Variants in SPTB observed in about 807,000 individuals in gnomAD.
SPTB encodes the protein spectrin beta, erythrocytic.
A neutral mutation model predicts 256.2 loss-of-function variants in SPTB; 45 were observed. The ratio of observed to expected loss-of-function variants is 0.18; its 90% CI spans 0.14 to 0.23. The LOEUF is 0.23. Ranked by LOEUF, SPTB falls within the 10% of genes least tolerant of loss-of-function variation. The pLI, the probability that SPTB is intolerant of heterozygous loss-of-function variation, is 1.00. For missense variants in SPTB, 2,715 were observed against 3,040.4 expected (o/e 0.89, Z 2.52); for synonymous variants, 1,231 against 1,243.1 (o/e 0.99, Z 0.21).
rs373389294 is a variant in SPTB, at chr14:64,854,658, C to T, written c.-52+25134G>A. Among the ~76,000 whole-genome samples, 4 of 152,196 alleles carry T rather than the reference C, an allele frequency of 2.6e-5. No homozygotes were observed. In the East Asian group the frequency reaches 7.7e-4, roughly 29 times the overall value. On this transcript the variant is annotated intron_variant, in intron 1 of 35. Coordinates refer to ENST00000644917, the MANE Select transcript of SPTB (RefSeq NM_001355436.2). ...TGGACTCTCTATATTAGTTCTGCCT[C>T]AGCTAGTCGTGTAGGATTTCCATTT...
chr14:64,755,740 G>C (rs2082009054), intron 32 of SPTB: 1 of 151,994 alleles, frequency 6.6e-6, no homozygotes, highest in Non-Finnish European at 1.5e-5. Context: ...AAATATCTAT[G>C]CAGGAAGGAA....
intron 1 of SPTB, among the ~76,000 whole-genome samples, chr14:64,878,406 AG>A (rs1882937235): frequency 6.6e-6 from 1 of 152,176 alleles, no homozygotes; most frequent in Admixed American, 6.5e-5. Context: ...AGAAAAAAAA[AG>A]GTGTTTTCAA....
chr14:64,801,606 A>T (rs230705), intron 6 of SPTB, 148 bp downstream of exon 6: 208,977 of 940,084 alleles, frequency 0.22, 26,109 homozygotes, highest in African/African-American at 0.43. Flanking sequence ...GGATTTAAGG[A>T]AAGTGAAGGT....
At chr14:64,750,333 C>T in intron 33 of SPTB, 179 bp from the exon 34 acceptor site, 3 of 704,428 alleles carry the variant, frequency 4.3e-6, no homozygotes, top group Non-Finnish European at 4.5e-6. Context: ...CTATTATTAA[C>T]ATTTTATGTA....
At chr14:64,851,438 A>G (rs2083783642) in intron 1 of SPTB, among the ~76,000 whole-genome samples, 1 of 152,134 alleles carries the variant, frequency 6.6e-6, no homozygotes, top group Non-Finnish European at 1.5e-5. Context: ...GAAAGAGTTA[A>G]TATCAGTAGC....
At chr14:64,808,343 G>A (rs775260387) in intron 2 of SPTB, among the ~76,000 whole-genome samples, 53 of 151,860 alleles carry the variant, frequency 3.5e-4, no homozygotes, top group Non-Finnish European at 6.2e-4. Context: ...TTTCCTTCCC[G>A]GGTTGTGGCC....
At position 64,772,750 on chromosome 14, in the gene SPTB, C is replaced by T. The variant is rs749332448; in HGVS notation, c.5383G>A (p.Ala1795Thr). Residue 1795 changes from alanine to threonine, a missense_variant, in exon 26 of 36, where the codon GCC becomes ACC. Coordinates refer to ENST00000644917, the MANE Select transcript of SPTB (RefSeq NM_001355436.2). This position sits in a 1 kb window ranked among gnomAD's most constrained non-coding sequence, Gnocchi z 5.4. ...LIDTRMQLLA[A>T]SYDLHRYFYT... ...AAGTAGCGGTGCAGGTCATAGGAGG[C>T]GGCCAGCAGCTGCATGCGCGTGTCA... 1.5e-5 allele frequency: 25 copies of T among 1,613,888 alleles called. No individual in the cohort carries two copies. Among genetic ancestry groups the T allele is most frequent in the South Asian group, 4.4e-5 (4 of 91,084 alleles).
In SPTB at chr14:64,766,727, G is replaced by A. The variant is rs762377368; in HGVS notation, c.6344C>T (p.Pro2115Leu). Residue 2115 changes from proline (P) to leucine (L), a missense_variant and splice_region_variant, in exon 32 of 36, where the codon CCG (proline) becomes CTG (leucine). This residue lies in a region of SPTB where 2,239 missense variants were observed against 2,384.4 expected (regional missense o/e 0.94). Transcript: ENST00000644917. ...SHHAATERTSPGEEEGTWPQN... is the reference protein window; with the variant it reads ...SHHAATERTSLGEEEGTWPQN... ...AGACAAACGAGACCAGAGACTGACCGGGGACGTTCTCTCGGTGGCCGCATG... is the reference window on the plus strand; with the variant it reads ...AGACAAACGAGACCAGAGACTGACCAGGGACGTTCTCTCGGTGGCCGCATG... The A allele has an allele frequency of 1.1e-5, 17 of 1,613,586 alleles. No homozygotes were observed. The highest frequency in any genetic ancestry group is 4.0e-5 in the African/African-American group (3 of 74,966).
chr14:64,753,428 G>A, intron 33 of SPTB, 109 bp downstream of exon 33: 4 of 1,560,816 alleles, frequency 2.6e-6, no homozygotes, highest in Non-Finnish European at 2.6e-6. Flanking sequence ...GGCCAAGGCA[G>A]AAGGCACCCC....
In SPTB at chr14:64,823,090, G is replaced by A; in HGVS notation, c.5C>T (p.Thr2Ile). The A allele has an allele frequency of 1.2e-6, 2 of 1,614,186 alleles. No individual in the cohort carries two copies. Among genetic ancestry groups the A allele is most frequent in the Non-Finnish European group, 8.5e-7 (1 of 1,180,030 alleles). The stretch of plus-strand genomic sequence containing the variant: ...CACATTTTCAAACTCTGTGGCCGAT[G>A]TCATGTCAGCAGGCTCTTAGCAGCT... M[T>I]SATEFENVGN... The change falls in exon 2 of 36, where the codon ACA becomes ATA. Residue 2 changes from threonine (T) to isoleucine (I), a missense_variant. Transcript: ENST00000644917. The surrounding 1 kb of genome is among the most constrained non-coding windows in gnomAD (Gnocchi z 6.5).
intron 13 of SPTB, 144 bp downstream of exon 13, chr14:64,794,323 C>G: frequency 8.4e-7 from 1 of 1,193,058 alleles, no homozygotes. Context: ...GCTGGTCCCT[C>G]AAGCTTCTTT....
intron 1 of SPTB, among the ~76,000 whole-genome samples, chr14:64,835,960 G>C (rs2083516710): frequency 6.6e-6 from 1 of 152,150 alleles, no homozygotes; most frequent in Admixed American, 6.6e-5. Context: ...TAAAAGGAGG[G>C]GAACATCCCG....
chr14:64,833,739 T>C (rs1318085340), intron 1 of SPTB, among the ~76,000 whole-genome samples: 1 of 152,154 alleles, frequency 6.6e-6, no homozygotes, highest in Non-Finnish European at 1.5e-5. Context: ...TCAGGGACCA[T>C]CCATATTCAT....
At chr14:64,767,475 A>G in intron 30 of SPTB, 123 bp from the exon 31 acceptor site, 1 of 1,452,650 alleles carries the variant, frequency 6.9e-7, no homozygotes, top group Admixed American at 1.7e-5. Context: ...TTCTAGAGTC[A>G]GCCCCTTCTG....
rs1227862956 is a variant in SPTB, at chr14:64,771,508, G to A, written c.5554-379C>T. Among the ~76,000 whole-genome samples the A allele has an allele frequency of 3.9e-5, 6 of 152,282 alleles. No homozygotes were observed. In the East Asian group the frequency reaches 1.2e-3, roughly 29 times the overall value. ...CTATTACTATTGCTGTTTCTGAGAT[G>A]GGGAAAACGAGGCACAAGGAAGCTA... On this transcript the variant is annotated intron_variant, in intron 26 of 35. Transcript: ENST00000644917.
At chr14:64,766,058 G>A (rs2082173206) in intron 32 of SPTB, among the ~76,000 whole-genome samples, 1 of 136,688 alleles carries the variant, frequency 7.3e-6, no homozygotes. Context: ...TGCGTGAGGT[G>A]TGTATGGGGG....
In SPTB at chr14:64,759,008, A is replaced by G. The variant is rs1566736243; in HGVS notation, c.6346-5215T>C. Among the ~76,000 whole-genome samples, 1 of 152,156 alleles carries G rather than the reference A, an allele frequency of 6.6e-6. No individual in the cohort carries two copies. The highest frequency in any genetic ancestry group is 1.9e-4 in the East Asian group (1 of 5,188). Reference sequence around the variant, plus strand: ...GGGGTAGATGAAGCTGATGTGAGAAAAGAGATTCTCAGAATTCTAGAGCTG... The same window carrying G: ...GGGGTAGATGAAGCTGATGTGAGAAGAGAGATTCTCAGAATTCTAGAGCTG... On this transcript the variant is annotated intron_variant, in intron 32 of 35. Transcript: ENST00000644917. The surrounding 1 kb of genome is among the most constrained non-coding windows in gnomAD (Gnocchi z 4.8).
At position 64,790,216 on chromosome 14, in the gene SPTB, G is replaced by A. The variant is rs953061347; in HGVS notation, c.2804+1503C>T. Among the ~76,000 whole-genome samples the A allele has an allele frequency of 2.0e-5, 3 of 152,006 alleles. No homozygotes were observed. Among genetic ancestry groups the A allele is most frequent in the Non-Finnish European group, 4.4e-5 (3 of 68,000 alleles). On this transcript the variant is annotated intron_variant, in intron 15 of 35. Coordinates refer to ENST00000644917, the MANE Select transcript of SPTB (RefSeq NM_001355436.2). This position sits in a 1 kb window ranked among gnomAD's most constrained non-coding sequence, Gnocchi z 4.8. ...ACTCTCAAATTTAATTTCATGCCTC[G>A]GGTTTTTTTCTCACTTAAGGATGGC... is the stretch of plus-strand genomic sequence containing the variant.
intron 2 of SPTB, among the ~76,000 whole-genome samples, chr14:64,813,962 T>C (rs1395313384): frequency 6.6e-6 from 1 of 152,252 alleles, no homozygotes; most frequent in Non-Finnish European, 1.5e-5. Context: ...CTACGGTTTC[T>C]GTTTAACCAG....
Sources: gnomAD v4.1 joint callset for allele counts (sites outside exome capture counted in the v4.1 genomes callset) on GRCh38, gnomAD v4.1.1 for gene constraint, gnomAD v4.1.1 regional missense constraint, Gnocchi (gnomAD v3.1) non-coding constraint, MANE v1.5 for transcripts, NCBI Gene and HGNC (gene_info 2026-07-23, HGNC 2026-07-21) for gene names.